Variants in CDC42BPA observed in about 807,000 individuals in gnomAD.
The protein encoded by CDC42BPA is serine/threonine-protein kinase MRCK alpha.
CDC42BPA carries 80 observed loss-of-function variants against 223.5 expected under a neutral mutation model. The ratio of observed to expected loss-of-function variants is 0.36; its 90% confidence interval spans 0.30 to 0.43. The LOEUF is 0.43. Among genes scored for constraint, CDC42BPA ranks in the 20% least tolerant of loss-of-function variants. The pLI, the probability that CDC42BPA is intolerant of heterozygous loss-of-function variation, is 1.00. For synonymous variants in CDC42BPA, 694 were observed against 718.6 expected (o/e 0.97, Z 0.55); for missense variants, 1,743 against 2,099.9 (o/e 0.83, Z 3.32).
At position 227,254,136 on chromosome 1, in the gene CDC42BPA, T is replaced by A; in HGVS notation, c.198A>T (p.Lys66Asn). Residue 66 changes from lysine to asparagine, a missense_variant, in exon 2 of 37, where the codon AAA becomes AAT. Coordinates refer to ENST00000366766, the MANE Select transcript of CDC42BPA (RefSeq NM_001394014.1). ...CTCTATGTAATCGCATTTGTTTCAC[T>A]TTAGAAGTAAATGGTTTAGCTGAAA... ...YLEWAKPFTSKVKQMRLHRED... is the reference protein window; with the variant it reads ...YLEWAKPFTSNVKQMRLHRED... 1 of 1,577,304 alleles carries A rather than the reference T, an allele frequency of 6.3e-7. No individual in the cohort carries two copies. The highest frequency in any genetic ancestry group is 8.7e-7 in the Non-Finnish European group (1 of 1,153,484).
At chr1:227,283,570 A>G (rs1308566388) in intron 1 of CDC42BPA, among the ~76,000 whole-genome samples, 1 of 152,206 alleles carries the variant, frequency 6.6e-6, no homozygotes, top group East Asian at 1.9e-4. Flanking sequence ...GGAGCTAAAC[A>G]AAGGGTACAT....
chr1:227,232,975 G>A (rs916458961), intron 2 of CDC42BPA, among the ~76,000 whole-genome samples: 2 of 152,122 alleles, frequency 1.3e-5, no homozygotes, highest in African/African-American at 2.4e-5. Flanking sequence ...ACGCCTCCCC[G>A]AGCCTCTCTG....
At chr1:227,032,905 T>C (rs1018565053) in intron 27 of CDC42BPA, among the ~76,000 whole-genome samples, 1 of 152,224 alleles carries the variant, frequency 6.6e-6, no homozygotes, top group South Asian at 2.1e-4. Context: ...GTCCACAGAA[T>C]AGTGAAAAAT....
At chr1:227,112,473 A>C in intron 13 of CDC42BPA, 51 bp from the exon 14 acceptor site, 1 of 1,362,930 alleles carries the variant, frequency 7.3e-7, no homozygotes, top group South Asian at 1.4e-5. Flanking sequence ...TTTTTTTCCA[A>C]ACAAAACATT....
intron 35 of CDC42BPA, among the ~76,000 whole-genome samples, chr1:226,999,867 C>T (rs944228699): frequency 2.1e-5 from 3 of 143,080 alleles, no homozygotes; most frequent in South Asian, 4.4e-4. Flanking sequence ...CCAAACACCG[C>T]ATGTTCTCAT....
At chr1:227,057,896 ATAAT>A in intron 21 of CDC42BPA, among the ~76,000 whole-genome samples, 1 of 152,332 alleles carries the variant, frequency 6.6e-6, no homozygotes, top group African/African-American at 2.4e-5. Flanking sequence ...CAAGTGAGAC[ATAAT>A]TAATCCATAA....
chr1:227,246,153 G>T (rs898460188), intron 2 of CDC42BPA, among the ~76,000 whole-genome samples: 1 of 152,140 alleles, frequency 6.6e-6, no homozygotes, highest in African/African-American at 2.4e-5. Context: ...GAACACTGGT[G>T]GTGTGGCCTG....
intron 14 of CDC42BPA, among the ~76,000 whole-genome samples, chr1:227,101,501 T>C (rs1450020622): frequency 6.6e-6 from 1 of 152,164 alleles, no homozygotes; most frequent in Non-Finnish European, 1.5e-5. Flanking sequence ...TTTATTCAAA[T>C]TTTTGGCTGG....
At position 227,258,094 on chromosome 1, in the gene CDC42BPA, T is replaced by C. The variant is rs544104151; in HGVS notation, c.179-3939A>G. Among the ~76,000 whole-genome samples, 82 of 145,226 alleles carry C rather than the reference T, an allele frequency of 5.6e-4. 2 individuals are homozygous for C. The highest frequency in any genetic ancestry group is 1.3e-3 in the African/African-American group (51 of 37,906). On this transcript the variant is annotated intron_variant, in intron 1 of 36. Transcript: ENST00000366766. ...GGAGACTGAAGTGGGAGGGCCACTTTAGCCCAGGAGATGAAGGCTGCAGTA... is the reference window on the plus strand; with the variant it reads ...GGAGACTGAAGTGGGAGGGCCACTTCAGCCCAGGAGATGAAGGCTGCAGTA...
intron 3 of CDC42BPA, among the ~76,000 whole-genome samples, chr1:227,212,247 C>T (rs1203909166): frequency 6.6e-6 from 1 of 152,092 alleles, no homozygotes; most frequent in Non-Finnish European, 1.5e-5. Flanking sequence ...TCACTGCCAC[C>T]ATATCTGTCA....
chr1:227,066,388 CAA>C (rs60663061), intron 21 of CDC42BPA, among the ~76,000 whole-genome samples: 5 of 144,430 alleles, frequency 3.5e-5, no homozygotes, highest in African/African-American at 5.1e-5. Context: ...AACTCTGTCT[CAA>C]AAAAAAAAAC....
chr1:227,112,876 G>A lies in CDC42BPA; in HGVS notation c.1685C>T (p.Ser562Phe). 1.9e-6 allele frequency: 3 copies of A among 1,613,920 alleles called. No homozygotes were observed. The highest frequency in any genetic ancestry group is 2.5e-6 in the Non-Finnish European group (3 of 1,179,908). Reference sequence around the variant, plus strand: ...ACAGTGTGCGTCTTTCAGCTCTTTGGATTGGTTTTTTAATCGCTCACTAGC... The same window carrying A: ...ACAGTGTGCGTCTTTCAGCTCTTTGAATTGGTTTTTTAATCGCTCACTAGC... ...VQASERLKNQ[S>F]KELKDAHCQR... is the part of the protein sequence containing the mutation. The change falls in exon 13 of 37, where the codon TCC (serine) becomes TTC (phenylalanine). Residue 562 changes from serine (S) to phenylalanine (F), a missense_variant. By Grantham distance (155) the Ser-to-Phe change is radical (BLOSUM62 -2). This residue lies in a region of CDC42BPA where 464 missense variants were observed against 488.0 expected (regional missense o/e 0.95). Coordinates refer to ENST00000366766, the MANE Select transcript of CDC42BPA (RefSeq NM_001394014.1).
intron 1 of CDC42BPA, among the ~76,000 whole-genome samples, chr1:227,297,653 C>T (rs567756158): frequency 2.0e-5 from 3 of 152,054 alleles, no homozygotes; most frequent in South Asian, 2.1e-4. Flanking sequence ...ATGAACCTTA[C>T]GAATAGCATG....
chr1:227,217,225 T>A (rs1011152442), intron 2 of CDC42BPA, among the ~76,000 whole-genome samples: 1 of 151,998 alleles, frequency 6.6e-6, no homozygotes, highest in African/African-American at 2.4e-5. Context: ...GGTGGGTGGA[T>A]CACCTGAGGT....
At chr1:227,158,718 T>C (rs550012536) in intron 6 of CDC42BPA, among the ~76,000 whole-genome samples, 2 of 152,300 alleles carry the variant, frequency 1.3e-5, no homozygotes, top group East Asian at 1.9e-4. Flanking sequence ...CCTAGCACTG[T>C]TTCCTGCCTG....
intron 1 of CDC42BPA, among the ~76,000 whole-genome samples, chr1:227,311,109 T>C (rs1001983451): frequency 2.0e-5 from 3 of 152,118 alleles, no homozygotes; most frequent in African/African-American, 7.2e-5. Flanking sequence ...ATTCCAACAC[T>C]TTGGAAGCCC....
intron 17 of CDC42BPA, among the ~76,000 whole-genome samples, chr1:227,076,558 CA>C: frequency 6.6e-6 from 1 of 152,194 alleles, no homozygotes; most frequent in East Asian, 1.9e-4. Context: ...CACCTGGCCC[CA>C]ACACTATCTC....
chr1:227,017,181 T>C, intron 32 of CDC42BPA, 131 bp from the exon 33 acceptor site: 1 of 678,992 alleles, frequency 1.5e-6, no homozygotes. Context: ...AAATGTTGTG[T>C]TGATAACCCA....
At chr1:227,146,337 AT>A (rs1158113443) in intron 7 of CDC42BPA, among the ~76,000 whole-genome samples, 2 of 152,106 alleles carry the variant, frequency 1.3e-5, no homozygotes, top group East Asian at 1.9e-4. Flanking sequence ...ATACTACAAT[AT>A]TTTTTTCTAA....
Sources: allele counts gnomAD v4.1 joint callset (sites outside exome capture counted in the v4.1 genomes callset), GRCh38; gene constraint gnomAD v4.1.1; regional missense constraint gnomAD v4.1.1; transcripts MANE v1.5; gene names NCBI Gene and HGNC (gene_info 2026-07-23, HGNC 2026-07-21).